Variants in DNAH7 observed in about 807,000 individuals in gnomAD.
DNAH7 encodes axonemal beta dynein heavy chain 7.
Under a neutral mutation model 444.6 loss-of-function variants are expected in DNAH7, and 397 were observed. The ratio of observed to expected loss-of-function variants is 0.89; its 90% CI spans 0.82 to 0.97. The LOEUF (loss-of-function observed/expected upper bound fraction) is 0.97, where lower values mean the gene tolerates loss of function less well. Ranked by LOEUF, DNAH7 falls within the 50% of genes least tolerant of loss-of-function variation. The pLI, the probability that DNAH7 is intolerant of heterozygous loss-of-function variation, is 0.00. For missense variants in DNAH7, 4,902 were observed against 4,800.8 expected, an observed-to-expected ratio of 1.02 and a Z score of -0.62; for synonymous variants, 1,636 against 1,624.4, an observed-to-expected ratio of 1.01 and a Z score of -0.17.
chr2:195,976,696 C>T (rs552863505), intron 15 of DNAH7, among the ~76,000 whole-genome samples: 64 of 148,204 alleles, frequency 4.3e-4, no homozygotes, highest in African/African-American at 1.5e-3. Flanking sequence ...TTGTGTCACC[C>T]CTCCCCCAGT....
chr2:195,894,680 T>A (rs188381351), intron 30 of DNAH7: 1 of 207,484 alleles, frequency 4.8e-6, no homozygotes, highest in East Asian at 1.1e-4. Flanking sequence ...CTGAAAGTAT[T>A]GCAGGAAAAC....
intron 2 of DNAH7, 59 bp from the exon 3 acceptor site, chr2:196,051,308 C>A: frequency 7.5e-7 from 1 of 1,334,064 alleles, no homozygotes; most frequent in South Asian, 1.2e-5. Context: ...AAAATTGATT[C>A]ACTGAACCAA....
chr2:195,987,892 C>G, intron 13 of DNAH7, 65 bp downstream of exon 13: 1 of 1,417,908 alleles, frequency 7.1e-7, no homozygotes, highest in Non-Finnish European at 9.5e-7. Context: ...AAAAATACAT[C>G]CTAATAAAAC....
At chr2:195,804,355 T>C (rs993683332) in intron 54 of DNAH7, among the ~76,000 whole-genome samples, 3 of 152,170 alleles carry the variant, frequency 2.0e-5, no homozygotes, top group Admixed American at 2.0e-4. Context: ...TTGGAGCACC[T>C]GGTAACAGTA....
chr2:196,036,028 T>C (rs1260334059), intron 5 of DNAH7, among the ~76,000 whole-genome samples: 1 of 100,614 alleles, frequency 9.9e-6, no homozygotes, highest in South Asian at 3.1e-4. Flanking sequence ...CTCCACATTC[T>C]TTTTTTTTTT....
intron 15 of DNAH7, among the ~76,000 whole-genome samples, chr2:195,979,262 A>G (rs897005290): frequency 3.3e-5 from 5 of 152,208 alleles, no homozygotes; most frequent in Non-Finnish European, 5.9e-5. Context: ...AATTGAAATA[A>G]TATCAAGTAT....
chr2:195,999,181 T>C (rs1393748102), intron 12 of DNAH7: 1 of 717,466 alleles, frequency 1.4e-6, no homozygotes, highest in Non-Finnish European at 2.6e-6. Context: ...TTCAGAATGC[T>C]GAAAGGTGAC....
At chr2:196,065,735 G>C (rs1434381923) in intron 1 of DNAH7, among the ~76,000 whole-genome samples, 2 of 152,180 alleles carry the variant, frequency 1.3e-5, no homozygotes, top group Non-Finnish European at 1.5e-5. Flanking sequence ...CAAGCGTCTA[G>C]CACTCATCAG....
intron 12 of DNAH7, among the ~76,000 whole-genome samples, chr2:195,990,347 A>G (rs984157468): frequency 6.6e-6 from 1 of 152,080 alleles, no homozygotes. Flanking sequence ...TTCCCAATGT[A>G]TGCTCTTGGT....
intron 17 of DNAH7, among the ~76,000 whole-genome samples, chr2:195,963,909 A>T (rs900630828): frequency 2.0e-5 from 3 of 152,134 alleles, no homozygotes; most frequent in African/African-American, 7.2e-5. Context: ...CTCTAAAATG[A>T]ATTTACTGTA....
At position 195,976,756 on chromosome 2, in the gene DNAH7, AG is replaced by A. The variant is rs1559294899; in HGVS notation, c.1834-4291del. On this transcript the variant is annotated intron_variant, in intron 15 of 64. Transcript: ENST00000312428. ...GAGACAGAGAGGCAGACAGAGAGAG[AG>A]AGAGAGAGAGAGAGAGAGAGAGAGA... is the stretch of plus-strand genomic sequence containing the variant. Among the ~76,000 whole-genome samples the A allele has an allele frequency of 2.1e-3, 289 of 136,222 alleles. 1 individual carries two copies. The highest frequency in any genetic ancestry group is 7.1e-3 in the African/African-American group (272 of 38,152). 89.4% of individuals were successfully genotyped at this position (136,222 alleles called of 152,430 possible). A position where few individuals can be genotyped will look rare whatever the true frequency, so the allele number is the denominator to read the frequency against.
At chr2:196,046,237 G>A (rs1697116908) in intron 5 of DNAH7, among the ~76,000 whole-genome samples, 1 of 152,210 alleles carries the variant, frequency 6.6e-6, no homozygotes, top group Non-Finnish European at 1.5e-5. Flanking sequence ...TGGGGGCAGG[G>A]CCTTGGATTT....
chr2:195,884,950 AT>A (rs1701624573), intron 34 of DNAH7, 141 bp from the exon 35 acceptor site: 1 of 646,488 alleles, frequency 1.5e-6, no homozygotes, highest in Non-Finnish European at 2.5e-6. Flanking sequence ...TCATCTCAGG[AT>A]TTTGTAATCA....
chr2:195,796,500 A>C, intron 56 of DNAH7, 76 bp downstream of exon 56: 1 of 1,507,386 alleles, frequency 6.6e-7, no homozygotes, highest in Non-Finnish European at 9.1e-7. Context: ...AGGGGAATGG[A>C]GCTACCCGAA....
chr2:195,993,064 G>A (rs949206445), intron 12 of DNAH7, among the ~76,000 whole-genome samples: 17 of 152,146 alleles, frequency 1.1e-4, no homozygotes, highest in Non-Finnish European at 1.6e-4. Context: ...AGTGGTCTCC[G>A]AGTGCAGCGT....
chr2:195,752,050 T>C (rs1481624871), intron 63 of DNAH7, among the ~76,000 whole-genome samples: 1 of 151,972 alleles, frequency 6.6e-6, no homozygotes, highest in East Asian at 1.9e-4. Context: ...GTGAGTGGAT[T>C]CCTTGAGCTC....
rs761667825 is a variant in DNAH7, at chr2:195,796,596, T to A, written c.10495A>T (p.Thr3499Ser). ...NCHLATSWMP[T>S]LEKVCEELSP... Reference sequence around the variant, plus strand: ...TTTACCTCACAGACTTTCTCAAGGGTTGGCATCCAAGAGGTGGCAAGGTGA... The same window carrying A: ...TTTACCTCACAGACTTTCTCAAGGGATGGCATCCAAGAGGTGGCAAGGTGA... The change falls in exon 56 of 65, where the codon ACC (threonine) becomes TCC (serine). Residue 3499 changes from threonine to serine, a missense_variant. Transcript: ENST00000312428. The A allele has an allele frequency of 6.2e-6, 10 of 1,613,998 alleles. No homozygotes were observed. In the East Asian group the frequency reaches 2.0e-4, roughly 32 times the overall value.
At chr2:195,819,485 T>C (rs966167874) in intron 49 of DNAH7, among the ~76,000 whole-genome samples, 6 of 152,186 alleles carry the variant, frequency 3.9e-5, no homozygotes, top group Non-Finnish European at 8.8e-5. Flanking sequence ...TTTTAGTCAC[T>C]TGATGATTCT....
intron 9 of DNAH7, among the ~76,000 whole-genome samples, chr2:196,015,967 C>T (rs1694994729): frequency 6.6e-6 from 1 of 152,222 alleles, no homozygotes; most frequent in Non-Finnish European, 1.5e-5. Context: ...AGGCTTCTTT[C>T]CCATGTGTCT....
Sources: gnomAD v4.1 joint callset for allele counts (sites outside exome capture counted in the v4.1 genomes callset) on GRCh38, gnomAD v4.1.1 for gene constraint, MANE v1.5 for transcripts, NCBI Gene and HGNC (gene_info 2026-07-23, HGNC 2026-07-21) for gene names.